Variants in LRIF1 observed in about 807,000 individuals in gnomAD.
The protein encoded by LRIF1 is ligand dependent nuclear receptor interacting factor 1, also known as ligand-dependent nuclear receptor-interacting factor 1.
LRIF1 carries 32 observed loss-of-function variants against 52.7 expected under a neutral mutation model. The ratio of observed to expected loss-of-function variants is 0.61; its 90% CI spans 0.46 to 0.82. The LOEUF (loss-of-function observed/expected upper bound fraction) is 0.82, where lower values mean the gene tolerates loss of function less well. Among genes scored for constraint, LRIF1 ranks in the 40% least tolerant of loss-of-function variants. LRIF1 has a pLI of 0.00. For missense variants in LRIF1, 887 were observed against 892.0 expected (o/e 0.99, Z 0.07); for synonymous variants, 323 against 317.4 (o/e 1.02, Z -0.19).
the LRIF1 span, among the ~76,000 whole-genome samples, chr1:110,876,184 C>T: frequency 1.3e-5 from 2 of 152,168 alleles, no homozygotes; most frequent in African/African-American, 4.8e-5. Flanking sequence ...CGCAACTGTC[C>T]AATCTGCTTA....
At chr1:110,878,738 G>A in the LRIF1 span, among the ~76,000 whole-genome samples, 1 of 152,094 alleles carries the variant, frequency 6.6e-6, no homozygotes, top group Non-Finnish European at 1.5e-5. Flanking sequence ...AACAATTTAT[G>A]CATCTTAAAG....
At chr1:110,905,111 A>C in the LRIF1 span, among the ~76,000 whole-genome samples, 1 of 152,274 alleles carries the variant, frequency 6.6e-6, no homozygotes, top group East Asian at 1.9e-4. Context: ...AGAATAAAAA[A>C]CAAGGAAGCA....
chr1:110,951,421 G>A lies in LRIF1; in HGVS notation c.1463C>T (p.Ala488Val). 1 of 1,614,044 alleles carries A rather than the reference G, an allele frequency of 6.2e-7. No individual in the cohort carries two copies. Among genetic ancestry groups the A allele is most frequent in the Non-Finnish European group, 8.5e-7 (1 of 1,180,006 alleles). ...FPVGFSTGHN[A>V]PRKVTAVIYA... is the part of the protein sequence containing the mutation. ...AATGACGGCTGTTACTTTTCTGGGG[G>A]CATTGTGTCCTGTACTAAATCCAAC... Residue 488 changes from alanine (A) to valine (V), a missense_variant, in exon 2 of 4, where the codon GCC becomes GTC. Transcript: ENST00000369763.
the LRIF1 span, among the ~76,000 whole-genome samples, chr1:110,880,752 C>T: frequency 6.6e-6 from 1 of 152,088 alleles, no homozygotes; most frequent in South Asian, 2.1e-4. Flanking sequence ...AGCATAGATC[C>T]TACCCTCAAG....
the LRIF1 span, among the ~76,000 whole-genome samples, chr1:110,925,327 C>G: frequency 1.3e-5 from 2 of 152,194 alleles, no homozygotes; most frequent in Non-Finnish European, 2.9e-5. Flanking sequence ...ACTCTTTCCT[C>G]AGGTCAGTCT....
At chr1:110,892,923 G>T in the LRIF1 span, 1 of 176,000 alleles carries the variant, frequency 5.7e-6, no homozygotes, top group Non-Finnish European at 1.2e-5. Flanking sequence ...CTAACTAATG[G>T]AAAATAATTT....
the LRIF1 span, among the ~76,000 whole-genome samples, chr1:110,920,093 G>T: frequency 2.0e-5 from 3 of 152,180 alleles, no homozygotes; most frequent in African/African-American, 7.2e-5. Flanking sequence ...TCATTCACTA[G>T]TGGCTGGTGG....
chr1:110,893,929 C>G, the LRIF1 span, among the ~76,000 whole-genome samples: 5 of 152,198 alleles, frequency 3.3e-5, no homozygotes, highest in Non-Finnish European at 2.9e-5. Context: ...CAGCCACTAC[C>G]AGCAGTCCTC....
rs1659061411 is a variant in LRIF1 at position 110,963,641 on chromosome 1, A to G, written c.48T>C (p.Asn16=). ...CTTACCAACGCGAGGCGTTGCCTGAATTTTCCTCTGCGGGTTTCAGGAAGA... is the reference window on the plus strand; with the variant it reads ...CTTACCAACGCGAGGCGTTGCCTGAGTTTTCCTCTGCGGGTTTCAGGAAGA... ...RRVFLKPAEE[N]SGNASRCVSG... Residue 16 remains asparagine (N), a synonymous_variant, in exon 1 of 4, where the codon AAT becomes AAC. Coordinates refer to ENST00000369763, the MANE Select transcript of LRIF1 (RefSeq NM_018372.4). 7 of 1,609,982 alleles carry G rather than the reference A, an allele frequency of 4.3e-6. No individual in the cohort carries two copies. The highest frequency in any genetic ancestry group is 1.7e-5 in the Admixed American group (1 of 59,890).
chr1:110,951,122 A>T (rs979396276), intron 2 of LRIF1, among the ~76,000 whole-genome samples, 166 bp downstream of exon 2: 4 of 152,136 alleles, frequency 2.6e-5, no homozygotes, highest in Non-Finnish European at 5.9e-5. Context: ...CTCCTCCTCA[A>T]ATTTGCTCAG....
At chr1:110,906,292 T>C in the LRIF1 span, among the ~76,000 whole-genome samples, 1 of 152,218 alleles carries the variant, frequency 6.6e-6, no homozygotes, top group Non-Finnish European at 1.5e-5. Flanking sequence ...ATGCCTATAA[T>C]GCCAGCACTT....
chr1:110,944,576 A>T (rs1462098605), downstream of LRIF1: 1 of 152,252 alleles, frequency 6.6e-6, no homozygotes, highest in Non-Finnish European at 1.5e-5. Context: ...ATTAGGGAGA[A>T]GGAAGGGATC....
At chr1:110,958,568 C>G (rs1326809679) in intron 1 of LRIF1, among the ~76,000 whole-genome samples, 6 of 151,972 alleles carry the variant, frequency 3.9e-5, no homozygotes, top group African/African-American at 1.4e-4. Context: ...TATATGATGT[C>G]TATATTTCTG....
chr1:110,896,162 A>G, the LRIF1 span, among the ~76,000 whole-genome samples: 1 of 152,192 alleles, frequency 6.6e-6, no homozygotes, highest in Admixed American at 6.5e-5. Context: ...CACTCTCTAG[A>G]TCAGGCTAGT....
At chr1:110,911,754 C>G in the LRIF1 span, among the ~76,000 whole-genome samples, 1 of 152,074 alleles carries the variant, frequency 6.6e-6, no homozygotes, top group African/African-American at 2.4e-5. Context: ...AAAACAAAAA[C>G]CACATGATCA....
the LRIF1 span, chr1:110,892,885 T>C: frequency 5.0e-6 from 1 of 198,640 alleles, no homozygotes; most frequent in Non-Finnish European, 1.0e-5. Context: ...GCTATTATTA[T>C]GTACTTTCAG....
the LRIF1 span, among the ~76,000 whole-genome samples, chr1:110,894,573 A>C: frequency 6.6e-6 from 1 of 152,040 alleles, no homozygotes; most frequent in African/African-American, 2.4e-5. Flanking sequence ...TATGAAAGAG[A>C]TTGTATCTGA....
chr1:110,950,295 AC>A (rs764509390), intron 2 of LRIF1, among the ~76,000 whole-genome samples, 172 bp from the exon 3 acceptor site: 51 of 152,364 alleles, frequency 3.3e-4, no homozygotes, highest in Non-Finnish European at 6.5e-4. Flanking sequence ...ATAAGGAAGT[AC>A]AAACTTAAAA....
At chr1:110,909,363 AT>A in the LRIF1 span, among the ~76,000 whole-genome samples, 1 of 152,146 alleles carries the variant, frequency 6.6e-6, no homozygotes, top group South Asian at 2.1e-4. Context: ...GCAGAATAAA[AT>A]TCTCACATAT....
Sources: gnomAD v4.1 joint callset for allele counts (sites outside exome capture counted in the v4.1 genomes callset) on GRCh38, gnomAD v4.1.1 for gene constraint, MANE v1.5 for transcripts, NCBI Gene and HGNC (gene_info 2026-07-23, HGNC 2026-07-21) for gene names.